The following CCDC171 variants were observed in gnomAD, a reference collection of about 807,000 sequenced individuals.
The protein encoded by CCDC171 is coiled-coil domain containing 171.
CCDC171 carries 177 observed loss-of-function variants against 168.2 expected under a neutral mutation model. The observed-to-expected ratio is 1.05, with a 90% confidence interval of 0.93 to 1.19. The LOEUF is 1.19. Ranked by LOEUF, CCDC171 falls within the 50% of genes most tolerant of loss-of-function variation. The pLI is 0.00. For missense variants in CCDC171, 1,991 were observed against 1,539.0 expected, an observed-to-expected ratio of 1.29 and a Z score of -4.91; for synonymous variants, 687 against 540.8, an observed-to-expected ratio of 1.27 and a Z score of -3.75.
chr9:15,707,018 C>T (rs951915048), intron 11 of CCDC171, among the ~76,000 whole-genome samples: 2 of 152,136 alleles, frequency 1.3e-5, no homozygotes, highest in Non-Finnish European at 1.5e-5. Context: ...CACCTAGTAT[C>T]CTCTTGAGAA....
rs2039525242 is a variant in CCDC171, at chr9:15,564,026, T to A, written c.-63T>A. ...CCACAGACATCTTGGGCAATTTTAA[T>A]CATCAAGAAAGAAATATGTCATTAA... On this transcript the variant is annotated 5_prime_UTR_variant, in exon 2 of 26. Transcript: ENST00000380701. 7.5e-7 allele frequency: 1 copy of A among 1,326,552 alleles called. No homozygotes were observed. The highest frequency in any genetic ancestry group is 1.1e-6 in the Non-Finnish European group (1 of 931,354). 82.2% of individuals were successfully genotyped at this position (1,326,552 alleles called of 1,614,324 possible). A position where few individuals can be genotyped will look rare whatever the true frequency, so the allele number is the denominator to read the frequency against.
chr9:16,011,662 C>A (rs75624384), intron 3 of CCDC171, among the ~76,000 whole-genome samples: 348 of 152,180 alleles, frequency 2.3e-3, no homozygotes, highest in Middle Eastern at 6.8e-3. Context: ...TTTGTCTGTC[C>A]ATACAGTCAT....
chr9:16,084,473 G>A, the CCDC171 span, among the ~76,000 whole-genome samples: 4 of 152,176 alleles, frequency 2.6e-5, no homozygotes, highest in Non-Finnish European at 4.4e-5. Flanking sequence ...AGCAACAACA[G>A]TAGCAACAAT....
chr9:16,005,574 T>C (rs1043736579), intron 3 of CCDC171, among the ~76,000 whole-genome samples: 5 of 152,170 alleles, frequency 3.3e-5, no homozygotes, highest in African/African-American at 4.8e-5. Context: ...ATTGAAGATA[T>C]TCAAAAAGTT....
intron 18 of CCDC171, among the ~76,000 whole-genome samples, chr9:15,764,376 A>G (rs1206277959): frequency 6.6e-6 from 1 of 152,226 alleles, no homozygotes; most frequent in Non-Finnish European, 1.5e-5. Context: ...TTCTAAGATG[A>G]GGAACAATGG....
intron 11 of CCDC171, among the ~76,000 whole-genome samples, chr9:15,708,009 G>C (rs1221349506): frequency 6.6e-6 from 1 of 152,056 alleles, no homozygotes; most frequent in African/African-American, 2.4e-5. Flanking sequence ...CACTACGCCT[G>C]GCTAATTTTT....
At chr9:15,896,595 G>T (rs1432730332) in intron 24 of CCDC171, among the ~76,000 whole-genome samples, 1 of 152,014 alleles carries the variant, frequency 6.6e-6, no homozygotes, top group Non-Finnish European at 1.5e-5. Context: ...GCCTTCAGTT[G>T]TGCTTGACTA....
At chr9:15,882,990 C>CTGCCTGCCTGCCTGCCTGCCTGCT (rs1178124143) in intron 24 of CCDC171, 46 of 1,794 alleles carry the variant, frequency 0.026, 6 homozygotes, top group African/African-American at 0.068. Flanking sequence ...GCCTGCCTGC[C>CTGCCTGCCTGCCTGCCTGCCTGCT]TGCCTTCCTT....
intron 24 of CCDC171, chr9:15,888,088 G>C (rs1002742471): frequency 1.3e-5 from 2 of 152,262 alleles, no homozygotes; most frequent in East Asian, 1.9e-4. Context: ...CTCTTTTCCA[G>C]GTAGAAACAC....
chr9:15,874,716 G>C (rs754669675), intron 24 of CCDC171, 53 bp downstream of exon 24: 1 of 1,442,632 alleles, frequency 6.9e-7, no homozygotes, highest in Non-Finnish European at 9.2e-7. Context: ...AAAATAAATT[G>C]CACTAACTGG....
chr9:16,037,643 AAAAAT>A (rs1175159835), intron 8 of CCDC171, among the ~76,000 whole-genome samples: 2 of 152,238 alleles, frequency 1.3e-5, no homozygotes, highest in African/African-American at 2.4e-5. Flanking sequence ...GGTACCATGA[AAAAAT>A]AAAATAGAGA....
chr9:15,577,524 T>C (rs954736947), intron 3 of CCDC171, among the ~76,000 whole-genome samples: 4 of 152,236 alleles, frequency 2.6e-5, no homozygotes, highest in African/African-American at 9.6e-5. Context: ...AGGCTTTCAC[T>C]GTGTTCAGGC....
intron 4 of CCDC171, among the ~76,000 whole-genome samples, chr9:16,021,921 A>T (rs763110375): frequency 6.6e-6 from 1 of 152,160 alleles, no homozygotes; most frequent in Non-Finnish European, 1.5e-5. Context: ...GTAGAAATGT[A>T]CTTTTGCCTT....
chr9:16,063,695 A>G (rs1376901970), downstream of CCDC171, among the ~76,000 whole-genome samples: 1 of 152,098 alleles, frequency 6.6e-6, no homozygotes, highest in Non-Finnish European at 1.5e-5. Flanking sequence ...TGTGTTCCTC[A>G]TGACAATGCC....
chr9:15,560,524 A>G (rs1229903306), intron 1 of CCDC171, among the ~76,000 whole-genome samples: 1 of 152,064 alleles, frequency 6.6e-6, no homozygotes, highest in Admixed American at 6.6e-5. Context: ...CAAATCGGCT[A>G]CTGAAGCTTG....
chr9:15,642,166 C>CA (rs1276312976), intron 7 of CCDC171, among the ~76,000 whole-genome samples: 4 of 145,672 alleles, frequency 2.7e-5, no homozygotes, highest in Non-Finnish European at 4.5e-5. Context: ...GTCTCAAAAA[C>CA]AAAAAAAAAG....
intron 16 of CCDC171, among the ~76,000 whole-genome samples, chr9:15,734,217 A>T (rs1490161851): frequency 1.3e-5 from 2 of 152,162 alleles, no homozygotes; most frequent in Non-Finnish European, 2.9e-5. Context: ...TGATCATTTT[A>T]ATTATCTGTA....
chr9:15,739,071 C>T (rs1014563520), intron 16 of CCDC171, among the ~76,000 whole-genome samples: 1 of 152,082 alleles, frequency 6.6e-6, no homozygotes, highest in Non-Finnish European at 1.5e-5. Context: ...TAGATATACA[C>T]ACATGAAATA....
intron 3 of CCDC171, among the ~76,000 whole-genome samples, chr9:15,578,188 A>G (rs1387941743): frequency 1.3e-5 from 2 of 151,448 alleles, no homozygotes; most frequent in Non-Finnish European, 2.9e-5. Flanking sequence ...CTTAGTATGT[A>G]TCATGCATTT....
Sources: gnomAD v4.1 joint callset for allele counts (sites outside exome capture counted in the v4.1 genomes callset) on GRCh38, gnomAD v4.1.1 for gene constraint, MANE v1.5 for transcripts, NCBI Gene and HGNC (gene_info 2026-07-23, HGNC 2026-07-21) for gene names.